Variants in DHX15 observed in about 807,000 individuals in gnomAD.
The protein encoded by DHX15 is ATP-dependent RNA helicase DHX15.
In DHX15, 11 loss-of-function variants were observed where a neutral mutation model predicts 94.4. That is an observed-to-expected ratio of 0.12 (90% CI 0.07 to 0.19). The LOEUF (loss-of-function observed/expected upper bound fraction) is 0.19. DHX15 is among the 10% of genes least tolerant of loss of function. The pLI is 1.00. For missense variants in DHX15, 304 were observed against 988.5 expected (o/e 0.31, Z 9.29); for synonymous variants, 338 against 329.9 (o/e 1.02, Z -0.27).
chr4:24,532,979 T>C lies in DHX15; in HGVS notation c.1985A>G (p.Gln662Arg). The C allele has an allele frequency of 6.2e-7, 1 of 1,614,108 alleles. No individual in the cohort carries two copies. The highest frequency in any genetic ancestry group is 8.5e-7 in the Non-Finnish European group (1 of 1,179,960). Residue 662 changes from glutamine (Q) to arginine (R), a missense_variant, in exon 12 of 14, where the codon CAG (glutamine) becomes CGG (arginine). Physicochemically the swap from Gln to Arg is conservative, Grantham distance 43. This residue lies in a region of DHX15 where 44 missense variants were observed against 236.7 expected (regional missense o/e 0.19). Coordinates refer to ENST00000336812, the MANE Select transcript of DHX15 (RefSeq NM_001358.3). The part of the protein sequence containing the change: ...RSLMSADNVR[Q>R]QLSRIMDRFN... ...TCTGTCCATAATTCGAGATAGCTGC[T>C]GGCGTACATTGTCTGCGGACATCAG...
At position 24,537,072 on chromosome 4, in the gene DHX15, C is replaced by T; in HGVS notation, c.1888G>A (p.Val630Ile). 6.2e-7 allele frequency: 1 copy of T among 1,613,656 alleles called. No individual in the cohort carries two copies. Among genetic ancestry groups the T allele is most frequent in the Non-Finnish European group, 8.5e-7 (1 of 1,179,736 alleles). The part of the protein sequence containing the change: ...IDGDHLTLLN[V>I]YHAFKQNHES... ...TTACTTTGTTTAAAAGCATGGTAGA[C>T]GTTCAGCAGTGTCAGATGATCTCCA... The change falls in exon 11 of 14, where the codon GTC becomes ATC. Residue 630 changes from valine to isoleucine, a missense_variant. Coordinates refer to ENST00000336812, the MANE Select transcript of DHX15 (RefSeq NM_001358.3). The surrounding 1 kb of genome is among the most constrained non-coding windows in gnomAD (Gnocchi z 4.7).
At chr4:24,543,096 C>T in intron 6 of DHX15, 70 bp from the exon 7 acceptor site, 1 of 1,081,204 alleles carries the variant, frequency 9.2e-7, no homozygotes. Context: ...TAAAGATCAG[C>T]CACTAACTTT....
intron 5 of DHX15, among the ~76,000 whole-genome samples, chr4:24,554,206 A>C (rs2109406505): frequency 6.6e-6 from 1 of 152,336 alleles, no homozygotes; most frequent in Non-Finnish European, 1.5e-5. Flanking sequence ...CGACAGCGCA[A>C]GACTCCGTCT....
intron 5 of DHX15, among the ~76,000 whole-genome samples, chr4:24,552,972 A>C (rs1721641859): frequency 6.6e-6 from 1 of 152,242 alleles, no homozygotes. Context: ...TTTCTGATAG[A>C]ATCTCAATAC....
chr4:24,562,571 A>G (rs2109413004), intron 3 of DHX15, among the ~76,000 whole-genome samples: 1 of 152,324 alleles, frequency 6.6e-6, no homozygotes, highest in East Asian at 1.9e-4. Context: ...TCCTCAGTAC[A>G]CTAACTGCCT....
intron 1 of DHX15, among the ~76,000 whole-genome samples, chr4:24,579,052 CCAAA>C (rs1560777493): frequency 6.6e-6 from 1 of 152,044 alleles, no homozygotes; most frequent in Non-Finnish European, 1.5e-5. Flanking sequence ...CATTACCAAA[CCAAA>C]CAAAGGATGT....
At position 24,541,929 on chromosome 4, in the gene DHX15, T is replaced by G; in HGVS notation, c.1429A>C (p.Arg477=). Residue 477 remains arginine, a synonymous_variant, in exon 8 of 14, where the codon AGA becomes CGA. Coordinates refer to ENST00000336812, the MANE Select transcript of DHX15 (RefSeq NM_001358.3). The part of the protein sequence containing the change: ...QQRAGRAGRT[R]PGKCFRLYTE... ...TAAAGTCTGAAGCATTTTCCAGGTCTGGTACGTCCAGCTCGACCAGCCCTT... is the reference window on the plus strand; with the variant it reads ...TAAAGTCTGAAGCATTTTCCAGGTCGGGTACGTCCAGCTCGACCAGCCCTT... 6.2e-7 allele frequency: 1 copy of G among 1,611,792 alleles called. No homozygotes were observed. The highest frequency in any genetic ancestry group is 2.2e-5 in the East Asian group (1 of 44,842).
At chr4:24,530,868 T>G (rs911438023) in intron 12 of DHX15, 3 of 152,134 alleles carry the variant, frequency 2.0e-5, no homozygotes, top group African/African-American at 4.8e-5. Context: ...ACCTATTAGG[T>G]GTCAGGTACT....
At chr4:24,584,140 C>G in intron 1 of DHX15, 183 bp downstream of exon 1, 1 of 626,492 alleles carries the variant, frequency 1.6e-6, no homozygotes, top group East Asian at 3.0e-5. Flanking sequence ...GCACGCAACC[C>G]CCCGCGCCCT....
At chr4:24,557,961 G>A (rs1349221026) in intron 3 of DHX15, among the ~76,000 whole-genome samples, 1 of 145,242 alleles carries the variant, frequency 6.9e-6, no homozygotes, top group Non-Finnish European at 1.5e-5. Context: ...CAATAGAGCG[G>A]TCTGTTGATT....
intron 13 of DHX15, among the ~76,000 whole-genome samples, chr4:24,528,285 C>T (rs988407148): frequency 1.4e-4 from 21 of 152,086 alleles, no homozygotes; most frequent in Admixed American, 1.1e-3. Context: ...TAACAAACCC[C>T]TCAAGATACA....
chr4:24,529,325 C>T (rs1211201810), intron 13 of DHX15, among the ~76,000 whole-genome samples: 1 of 152,210 alleles, frequency 6.6e-6, no homozygotes, highest in East Asian at 1.9e-4. Context: ...AGGTGTGAGC[C>T]ACCATGCCCA....
At chr4:24,584,260 C>T in intron 1 of DHX15, 63 bp downstream of exon 1, 2 of 1,526,654 alleles carry the variant, frequency 1.3e-6, no homozygotes, top group Non-Finnish European at 1.8e-6. Context: ...CAGCCCCGGC[C>T]CGCTCCCTGC....
intron 13 of DHX15, 112 bp from the exon 14 acceptor site, chr4:24,528,153 T>C (rs1214933116): frequency 3.0e-6 from 2 of 665,210 alleles, no homozygotes; most frequent in African/African-American, 3.6e-5. Context: ...GGCAAATCTA[T>C]GAATTCAAGT....
intron 5 of DHX15, among the ~76,000 whole-genome samples, chr4:24,551,918 G>T (rs1410585899): frequency 6.6e-6 from 1 of 152,236 alleles, no homozygotes; most frequent in South Asian, 2.1e-4. Flanking sequence ...CAACTTTACT[G>T]GAGATTAGAC....
chr4:24,574,347 T>A (rs1034311625), intron 2 of DHX15, among the ~76,000 whole-genome samples: 1 of 152,108 alleles, frequency 6.6e-6, no homozygotes, highest in African/African-American at 2.4e-5. Flanking sequence ...TAGGAAACAT[T>A]TGAATGAAAT....
chr4:24,579,758 T>G (rs1316953092), intron 1 of DHX15, among the ~76,000 whole-genome samples: 2 of 152,170 alleles, frequency 1.3e-5, no homozygotes, highest in Non-Finnish European at 2.9e-5. Context: ...CAATATCGGT[T>G]GTTGTTGTTA....
chr4:24,571,872 A>T (rs1269512010), intron 2 of DHX15, among the ~76,000 whole-genome samples: 2 of 152,212 alleles, frequency 1.3e-5, no homozygotes, highest in Admixed American at 6.5e-5. Context: ...ATTCTCTAAA[A>T]TCATATATAT....
chr4:24,579,765 GTTA>G (rs1017908245), intron 1 of DHX15, among the ~76,000 whole-genome samples: 6 of 152,170 alleles, frequency 3.9e-5, no homozygotes, highest in Non-Finnish European at 8.8e-5. Context: ...GGTTGTTGTT[GTTA>G]TTATTACTAT....
Sources: allele counts gnomAD v4.1 joint callset (sites outside exome capture counted in the v4.1 genomes callset), GRCh38; gene constraint gnomAD v4.1.1; regional missense constraint gnomAD v4.1.1; non-coding constraint Gnocchi (gnomAD v3.1); transcripts MANE v1.5; gene names NCBI Gene and HGNC (gene_info 2026-07-23, HGNC 2026-07-21).